The following SLC25A40 variants were observed in gnomAD, a reference collection of about 807,000 sequenced individuals.
SLC25A40 encodes mitochondrial glutathione transporter SLC25A40.
In SLC25A40, 41 loss-of-function variants were observed where a neutral mutation model predicts 46.5. The ratio of observed to expected loss-of-function variants is 0.88; its 90% CI spans 0.69 to 1.14. The LOEUF (loss-of-function observed/expected upper bound fraction) is 1.14, where lower values mean the gene tolerates loss of function less well. Among genes scored for constraint, SLC25A40 ranks in the 50% most tolerant of loss-of-function variants. The pLI is 0.00. For missense variants in SLC25A40, 386 were observed against 393.6 expected, an observed-to-expected ratio of 0.98 and a Z score of 0.16; for synonymous variants, 126 against 127.5, an observed-to-expected ratio of 0.99 and a Z score of 0.08.
intron 4 of SLC25A40, among the ~76,000 whole-genome samples, chr7:87,854,539 T>C (rs545265445): frequency 6.6e-6 from 1 of 152,280 alleles, no homozygotes; most frequent in African/African-American, 2.4e-5. Context: ...TAAAAGTAAC[T>C]GTATATTAGG....
At chr7:87,839,578 T>A (rs1406073178) in intron 10 of SLC25A40, among the ~76,000 whole-genome samples, 1 of 151,652 alleles carries the variant, frequency 6.6e-6, no homozygotes, top group Non-Finnish European at 1.5e-5. Flanking sequence ...GTTTAAAAAT[T>A]AATAATATAT....
chr7:87,848,061 A>G, intron 6 of SLC25A40, 84 bp from the exon 7 acceptor site: 1 of 1,434,376 alleles, frequency 7.0e-7, no homozygotes. Context: ...TTATTATATA[A>G]GCTAAAAAAG....
chr7:87,857,082 C>T (rs1459124268), intron 3 of SLC25A40, among the ~76,000 whole-genome samples: 1 of 152,138 alleles, frequency 6.6e-6, no homozygotes, highest in Non-Finnish European at 1.5e-5. Flanking sequence ...CATTAAAATG[C>T]TAAACTATCA....
intron 1 of SLC25A40, among the ~76,000 whole-genome samples, chr7:87,866,723 T>C (rs553366510): frequency 6.6e-6 from 1 of 152,340 alleles, no homozygotes; most frequent in Non-Finnish European, 1.5e-5. Context: ...TCTTGGCTCC[T>C]CCTGAAACCC....
intron 1 of SLC25A40, among the ~76,000 whole-genome samples, chr7:87,867,981 C>A (rs535684911): frequency 1.4e-4 from 22 of 152,288 alleles, no homozygotes; most frequent in African/African-American, 3.9e-4. Flanking sequence ...GCTGAACAGC[C>A]ACTATGATTT....
At chr7:87,854,809 CAAAAAAA>C (rs1193322764) in intron 4 of SLC25A40, among the ~76,000 whole-genome samples, 8 of 53,590 alleles carry the variant, frequency 1.5e-4, no homozygotes, top group Non-Finnish European at 2.6e-4. Flanking sequence ...AAGACTGTCT[CAAAAAAA>C]AAAAAAAAAA....
rs536139264 is a variant in SLC25A40, at chr7:87,833,986, C to T, written c.*2263G>A. 2.0e-4 allele frequency: 30 copies of T among 151,786 alleles called. No homozygotes were observed. The highest frequency in any genetic ancestry group is 4.1e-4 in the Non-Finnish European group (28 of 67,858). 9.4% of individuals were successfully genotyped at this position (151,786 alleles called of 1,614,324 possible). A position where few individuals can be genotyped will look rare whatever the true frequency, so the allele number is the denominator to read the frequency against. On this transcript the variant is annotated 3_prime_UTR_variant, in exon 12 of 12. Coordinates refer to ENST00000341119, the MANE Select transcript of SLC25A40 (RefSeq NM_018843.4). ...ACTACTTTAAAGGTTGCAACCATCT[C>T]ATATTGAAAATTAAAGATGTTCCTT...
At chr7:87,853,447 C>T (rs1043434278) in intron 5 of SLC25A40, among the ~76,000 whole-genome samples, 2 of 152,180 alleles carry the variant, frequency 1.3e-5, no homozygotes, top group Non-Finnish European at 2.9e-5. Context: ...CATGTAACTA[C>T]CATATGACTC....
In SLC25A40 at chr7:87,866,762, T is replaced by TA. The variant is rs1348980370; in HGVS notation, c.-93-6123dup. Among the ~76,000 whole-genome samples the TA allele has an allele frequency of 2.6e-5, 4 of 152,230 alleles. No homozygotes were observed. In the East Asian group the frequency reaches 7.7e-4, roughly 29 times the overall value. ...CCCACCTGTTTCAGTCCCGATAAGT[T>TA]AAAGATCTTAAGTAGTTTAGACACA... On this transcript the variant is annotated intron_variant, in intron 1 of 11. Coordinates refer to ENST00000341119, the MANE Select transcript of SLC25A40 (RefSeq NM_018843.4).
chr7:87,849,477 AT>A (rs967087902), intron 6 of SLC25A40, among the ~76,000 whole-genome samples: 2 of 152,210 alleles, frequency 1.3e-5, no homozygotes, highest in Non-Finnish European at 2.9e-5. Flanking sequence ...CCCATGCTCA[AT>A]AAAAGCCCTA....
At chr7:87,869,886 G>A (rs143190086) in intron 1 of SLC25A40, among the ~76,000 whole-genome samples, 89 of 152,184 alleles carry the variant, frequency 5.8e-4, no homozygotes, top group African/African-American at 1.9e-3. Context: ...AATGTTTTCC[G>A]AAGCCGTTGA....
intron 10 of SLC25A40, among the ~76,000 whole-genome samples, chr7:87,841,013 G>C (rs1220299745): frequency 6.6e-6 from 1 of 151,532 alleles, no homozygotes; most frequent in Non-Finnish European, 1.5e-5. Flanking sequence ...TGATGACAGA[G>C]GGATCCTAGT....
intron 1 of SLC25A40, among the ~76,000 whole-genome samples, chr7:87,866,492 GT>G (rs2131020463): frequency 6.6e-6 from 1 of 152,268 alleles, no homozygotes; most frequent in South Asian, 2.1e-4. Context: ...CCCTTTTAGA[GT>G]TTGATTATTA....
intron 9 of SLC25A40, among the ~76,000 whole-genome samples, chr7:87,843,389 T>G (rs1369740631): frequency 6.6e-6 from 1 of 152,072 alleles, no homozygotes; most frequent in Non-Finnish European, 1.5e-5. Flanking sequence ...CAGCAGAGGC[T>G]AGAAGTGCTT....
chr7:87,858,501 C>CT, intron 3 of SLC25A40, 130 bp downstream of exon 3: 1 of 621,302 alleles, frequency 1.6e-6, no homozygotes, highest in South Asian at 2.0e-5. Context: ...TCTTTGTACT[C>CT]TTTATTTCTC....
At chr7:87,870,963 G>C (rs116674385) in intron 1 of SLC25A40, among the ~76,000 whole-genome samples, 4 of 152,126 alleles carry the variant, frequency 2.6e-5, no homozygotes, top group African/African-American at 9.7e-5. Flanking sequence ...TAAGCTGTCC[G>C]TGGATGGCAA....
chr7:87,871,571 G>A (rs968038546), intron 1 of SLC25A40, among the ~76,000 whole-genome samples: 2 of 152,184 alleles, frequency 1.3e-5, no homozygotes, highest in African/African-American at 4.8e-5. Context: ...ACAGCAACAG[G>A]TAGTATCTAT....
At chr7:87,840,058 T>C (rs1214930470) in intron 10 of SLC25A40, among the ~76,000 whole-genome samples, 1 of 151,774 alleles carries the variant, frequency 6.6e-6, no homozygotes, top group Non-Finnish European at 1.5e-5. Flanking sequence ...AGTAAACCTT[T>C]AAGTAACTGG....
chr7:87,858,651 G>A lies in SLC25A40; in HGVS notation c.77C>T (p.Ala26Val). ...LQQMLASCTG[A>V]ILTSVIVTPL... ...TTTACCTATTACTGATGTCAGTATA[G>A]CTCCAGTACATGAGGCAAGCATTTG... Residue 26 changes from alanine to valine, a missense_variant, in exon 3 of 12, where the codon GCT becomes GTT. Ala to Val is a moderately conservative substitution (Grantham distance 64). Coordinates refer to ENST00000341119, the MANE Select transcript of SLC25A40 (RefSeq NM_018843.4). 1 of 1,600,556 alleles carries A rather than the reference G, an allele frequency of 6.2e-7. No homozygotes were observed. Among genetic ancestry groups the A allele is most frequent in the South Asian group, 1.1e-5 (1 of 90,842 alleles).
Sources: allele counts gnomAD v4.1 joint callset (sites outside exome capture counted in the v4.1 genomes callset), GRCh38; gene constraint gnomAD v4.1.1; transcripts MANE v1.5; gene names NCBI Gene and HGNC (gene_info 2026-07-23, HGNC 2026-07-21).